The following IGFL2 variants were observed in gnomAD, a reference collection of about 807,000 sequenced individuals.
IGFL2 encodes IGF like family member 2.
In IGFL2, 7 loss-of-function variants were observed where a neutral mutation model predicts 13.9. The ratio of observed to expected loss-of-function variants is 0.51; its 90% CI spans 0.29 to 0.95. The LOEUF (loss-of-function observed/expected upper bound fraction) is 0.95. Among genes scored for constraint, IGFL2 ranks in the 40% least tolerant of loss-of-function variants. The pLI is 0.08. For synonymous variants in IGFL2, 55 were observed against 55.8 expected (o/e 0.99, Z 0.07); for missense variants, 138 against 147.8 (o/e 0.93, Z 0.34).
At chr19:46,154,393 C>G (rs528703083) in intron 1 of IGFL2, among the ~76,000 whole-genome samples, 1 of 152,050 alleles carries the variant, frequency 6.6e-6, no homozygotes, top group Non-Finnish European at 1.5e-5. Context: ...TCTTAGTTAT[C>G]TCTTTTTCTG....
chr19:46,091,733 A>C, the IGFL2 span, among the ~76,000 whole-genome samples: 28 of 152,320 alleles, frequency 1.8e-4, no homozygotes, highest in African/African-American at 3.4e-4. Context: ...CTGAAAGATG[A>C]CTGTGCACTT....
chr19:46,199,628 C>G, the IGFL2 span, among the ~76,000 whole-genome samples: 1 of 152,206 alleles, frequency 6.6e-6, no homozygotes, highest in Non-Finnish European at 1.5e-5. Context: ...CCTGAGAGAT[C>G]AGGCTCAGGC....
At chr19:46,114,634 T>G in the IGFL2 span, among the ~76,000 whole-genome samples, 1 of 152,104 alleles carries the variant, frequency 6.6e-6, no homozygotes. Context: ...GTGAGTGAGT[T>G]CTCCTGAGAT....
chr19:46,157,320 A>T (rs149099111), intron 1 of IGFL2, among the ~76,000 whole-genome samples: 2,796 of 152,284 alleles, frequency 0.018, 36 homozygotes, highest in Middle Eastern at 0.034. Context: ...AAACAAGAAC[A>T]ATGACAACAA....
chr19:46,108,151 A>G, the IGFL2 span, among the ~76,000 whole-genome samples: 1 of 152,004 alleles, frequency 6.6e-6, no homozygotes, highest in South Asian at 2.1e-4. Context: ...CCTGGGGAGG[A>G]GGGGAGAGGT....
the IGFL2 span, among the ~76,000 whole-genome samples, chr19:46,167,819 G>A: frequency 1.3e-5 from 2 of 152,134 alleles, no homozygotes; most frequent in Non-Finnish European, 2.9e-5. Flanking sequence ...CAAAAGAAGA[G>A]GCCATGTCAG....
the IGFL2 span, among the ~76,000 whole-genome samples, chr19:46,181,945 T>G: frequency 2.6e-5 from 4 of 152,214 alleles, no homozygotes; most frequent in Non-Finnish European, 5.9e-5. Flanking sequence ...TCATTTTCTT[T>G]CATTAGGAAG....
chr19:46,131,668 T>G, the IGFL2 span, among the ~76,000 whole-genome samples: 2 of 152,280 alleles, frequency 1.3e-5, no homozygotes, highest in South Asian at 2.1e-4. Flanking sequence ...AAACCCCTTC[T>G]TGGCTCATGC....
the IGFL2 span, among the ~76,000 whole-genome samples, chr19:46,168,078 G>A: frequency 0.034 from 5,219 of 152,158 alleles, 139 homozygotes; most frequent in East Asian, 0.071. Context: ...CGAGGACTAC[G>A]GGCACATACC....
At chr19:46,086,331 T>TC in the IGFL2 span, among the ~76,000 whole-genome samples, 1 of 152,110 alleles carries the variant, frequency 6.6e-6, no homozygotes, top group Non-Finnish European at 1.5e-5. Flanking sequence ...TCCTTTTTTT[T>TC]CTTGTTTTTT....
the IGFL2 span, among the ~76,000 whole-genome samples, chr19:46,095,684 A>G: frequency 2.0e-5 from 3 of 152,146 alleles, no homozygotes; most frequent in South Asian, 2.1e-4. Context: ...CTCGAATCCA[A>G]TCCATCTTGA....
At chr19:46,089,369 T>C in the IGFL2 span, among the ~76,000 whole-genome samples, 1 of 152,242 alleles carries the variant, frequency 6.6e-6, no homozygotes, top group Non-Finnish European at 1.5e-5. Flanking sequence ...TTTAATAGTT[T>C]TTAAACCTTC....
the IGFL2 span, among the ~76,000 whole-genome samples, chr19:46,171,523 C>T: frequency 2.0e-5 from 3 of 152,142 alleles, no homozygotes; most frequent in Non-Finnish European, 2.9e-5. Flanking sequence ...AGTATTGTGT[C>T]TTATTTTTCT....
the IGFL2 span, chr19:46,124,024 G>T: frequency 6.2e-7 from 1 of 1,611,466 alleles, no homozygotes; most frequent in Non-Finnish European, 8.5e-7. Context: ...GGTGCAGGTG[G>T]AGCCACAGCG....
chr19:46,084,460 A>G, the IGFL2 span, among the ~76,000 whole-genome samples: 5,253 of 152,242 alleles, frequency 0.035, 135 homozygotes, highest in East Asian at 0.071. Flanking sequence ...CTCTCTTCAG[A>G]TATATTAATA....
At chr19:46,123,826 C>G in the IGFL2 span, 1 of 1,521,576 alleles carries the variant, frequency 6.6e-7, no homozygotes, top group Non-Finnish European at 8.9e-7. Flanking sequence ...CTCTTCAAGC[C>G]CTCTGTATCC....
chr19:46,113,386 A>G, the IGFL2 span: 1 of 381,958 alleles, frequency 2.6e-6, no homozygotes, highest in Non-Finnish European at 5.2e-6. Context: ...AAAACAGGAA[A>G]GGATCAATCA....
the IGFL2 span, among the ~76,000 whole-genome samples, chr19:46,206,364 T>C: frequency 4.6e-5 from 7 of 152,160 alleles, no homozygotes; most frequent in Non-Finnish European, 8.8e-5. Flanking sequence ...CACTGGCTGC[T>C]CTCCAGGCCT....
the IGFL2 span, chr19:46,137,564 G>C: frequency 9.8e-7 from 1 of 1,020,242 alleles, no homozygotes; most frequent in East Asian, 2.5e-5. Flanking sequence ...GTCATCCTCC[G>C]TCTCACTGCC....
Sources: allele counts gnomAD v4.1 joint callset (sites outside exome capture counted in the v4.1 genomes callset), GRCh38; gene constraint gnomAD v4.1.1; transcripts MANE v1.5; gene names NCBI Gene and HGNC (gene_info 2026-07-23, HGNC 2026-07-21).